AGO3: variants seen among roughly 807,000 people sequenced by gnomAD.
The protein encoded by AGO3 is argonaute RISC catalytic component 3.
AGO3 carries 16 observed loss-of-function variants against 105.5 expected under a neutral mutation model. The ratio of observed to expected loss-of-function variants is 0.15; its 90% CI spans 0.10 to 0.23. The LOEUF (loss-of-function observed/expected upper bound fraction) is 0.23. Among genes scored for constraint, AGO3 ranks in the 10% least tolerant of loss-of-function variants. AGO3 has a pLI of 1.00. For missense variants in AGO3, 534 were observed against 1,088.0 expected, an observed-to-expected ratio of 0.49 and a Z score of 7.16; for synonymous variants, 340 against 367.3, an observed-to-expected ratio of 0.93 and a Z score of 0.85.
rs1640454422 is a variant in AGO3 at position 36,008,866 on chromosome 1, G to A, written c.882-31G>A. On this transcript the variant is annotated intron_variant, in intron 7 of 18. Transcript: ENST00000373191. The surrounding 1 kb of genome is among the most constrained non-coding windows in gnomAD (Gnocchi z 5.1). ...AGTTTTTCTGGCTCATAATGGGCAA[G>A]AATTGTTCATGTGTACTTTTTTTTC... 6.2e-7 allele frequency: 1 copy of A among 1,614,038 alleles called. No homozygotes were observed. Among genetic ancestry groups the A allele is most frequent in the Non-Finnish European group, 8.5e-7 (1 of 1,180,018 alleles).
In AGO3 at chr1:36,045,522, T is replaced by G. The variant is rs534485104; in HGVS notation, c.2274+1974T>G. On this transcript the variant is annotated intron_variant, in intron 17 of 18. Transcript: ENST00000373191. ...CAGACATGAGCCACCATGTCCGACCTTTTTTTTTTTTGAGATGGAGTTTTG... is the reference window on the plus strand; with the variant it reads ...CAGACATGAGCCACCATGTCCGACCGTTTTTTTTTTTGAGATGGAGTTTTG... 1.8e-4 allele frequency among the ~76,000 whole-genome samples: 25 copies of G among 138,086 alleles called. 1 individual carries two copies. The South Asian group carries it at 2.9e-3, about 16-fold the overall frequency. 90.6% of individuals were successfully genotyped at this position (138,086 alleles called of 152,430 possible). A position where few individuals can be genotyped will look rare whatever the true frequency, so the allele number is the denominator to read the frequency against.
chr1:35,966,205 C>A (rs584873), intron 2 of AGO3, among the ~76,000 whole-genome samples: 7,798 of 152,180 alleles, frequency 0.051, 279 homozygotes, highest in Middle Eastern at 0.085. Flanking sequence ...ATTTTATAAA[C>A]AAAATAAAAG....
intron 2 of AGO3, among the ~76,000 whole-genome samples, chr1:35,948,565 C>T (rs2148752563): frequency 6.7e-6 from 1 of 149,152 alleles, no homozygotes; most frequent in Admixed American, 6.9e-5. Flanking sequence ...TATTCTTTCT[C>T]CTGCCTAACA....
At chr1:36,050,555 G>T (rs1261528446) in intron 17 of AGO3, among the ~76,000 whole-genome samples, 1 of 151,904 alleles carries the variant, frequency 6.6e-6, no homozygotes, top group Non-Finnish European at 1.5e-5. Flanking sequence ...ACTTTGGGAG[G>T]CTGAGGCAGG....
chr1:36,015,873 T>G (rs575431649), intron 11 of AGO3, among the ~76,000 whole-genome samples: 1 of 152,334 alleles, frequency 6.6e-6, no homozygotes, highest in Non-Finnish European at 1.5e-5. Context: ...AATAAAAACT[T>G]CAGACAAATT....
chr1:35,998,206 T>C (rs568357300), intron 5 of AGO3, among the ~76,000 whole-genome samples: 11 of 152,306 alleles, frequency 7.2e-5, no homozygotes, highest in African/African-American at 2.6e-4. Context: ...TTCTGTTTTA[T>C]TTATCTGAAT....
chr1:36,022,177 A>G (rs528125903), intron 11 of AGO3, among the ~76,000 whole-genome samples: 2 of 145,504 alleles, frequency 1.4e-5, no homozygotes, highest in Non-Finnish European at 3.0e-5. Context: ...TGATCCTCCT[A>G]TGTCAGCCTC....
At chr1:36,021,720 A>G (rs961857360) in intron 11 of AGO3, among the ~76,000 whole-genome samples, 2 of 152,224 alleles carry the variant, frequency 1.3e-5, no homozygotes, top group Non-Finnish European at 2.9e-5. Flanking sequence ...AAATAGGATC[A>G]CAGGTCACTG....
intron 2 of AGO3, among the ~76,000 whole-genome samples, chr1:35,954,990 A>G (rs1430696785): frequency 2.0e-5 from 3 of 152,246 alleles, no homozygotes; most frequent in African/African-American, 7.2e-5. Context: ...AGAATAATCC[A>G]CATAGACAGC....
intron 17 of AGO3, among the ~76,000 whole-genome samples, chr1:36,052,458 A>G (rs1028665996): frequency 1.1e-4 from 17 of 152,190 alleles, no homozygotes; most frequent in African/African-American, 4.1e-4. Flanking sequence ...ACAACTAGAT[A>G]GGAGGAATAA....
chr1:35,995,613 A>G (rs1239816404), intron 5 of AGO3, among the ~76,000 whole-genome samples: 1 of 152,212 alleles, frequency 6.6e-6, no homozygotes. Flanking sequence ...ATCCCAGGAT[A>G]AAACATTAAA....
chr1:36,039,501 A>G (rs1238898990), intron 14 of AGO3, among the ~76,000 whole-genome samples: 1 of 148,130 alleles, frequency 6.8e-6, no homozygotes, highest in Non-Finnish European at 1.5e-5. Context: ...TCAAAAAAAA[A>G]AAAAAAAAAA....
chr1:35,932,363 G>C (rs1339794671), intron 1 of AGO3, among the ~76,000 whole-genome samples: 1 of 152,158 alleles, frequency 6.6e-6, no homozygotes, highest in Admixed American at 6.5e-5. Flanking sequence ...ATATTTGCGG[G>C]GCTGTCTTGT....
chr1:35,955,679 C>T (rs1449600443), intron 2 of AGO3, among the ~76,000 whole-genome samples: 1 of 151,782 alleles, frequency 6.6e-6, no homozygotes, highest in East Asian at 1.9e-4. Context: ...ACTGCAGCCT[C>T]ACCCTCCTGG....
intron 12 of AGO3, among the ~76,000 whole-genome samples, chr1:36,029,356 G>T (rs1244622128): frequency 6.7e-6 from 1 of 150,304 alleles, no homozygotes; most frequent in Middle Eastern, 3.2e-3. Flanking sequence ...AGATTTGACT[G>T]AGTACTGAGT....
rs1386453887 is a variant in AGO3 at position 36,056,476 on chromosome 1, A to G, written c.*731A>G. The G allele has an allele frequency of 6.6e-6, 1 of 151,898 alleles. No individual in the cohort carries two copies. The highest frequency in any genetic ancestry group is 1.5e-5 in the Non-Finnish European group (1 of 67,978). The allele number at this position is 151,898 out of a possible 1,614,324, so 9.4% of individuals were successfully genotyped here. ...TATGGCAAACTAGAATTCTACTTTT[A>G]TTTTGCATACCCTACTCCTGACTCC... On this transcript the variant is annotated 3_prime_UTR_variant, in exon 19 of 19. Transcript: ENST00000373191.
At chr1:36,034,738 T>G (rs1308376613) in intron 13 of AGO3, among the ~76,000 whole-genome samples, 1 of 152,214 alleles carries the variant, frequency 6.6e-6, no homozygotes, top group Non-Finnish European at 1.5e-5. Context: ...AATTTTCACT[T>G]TATTTGGTAA....
intron 5 of AGO3, chr1:35,983,344 G>A (rs1278785251): frequency 4.0e-5 from 6 of 150,970 alleles, no homozygotes; most frequent in Non-Finnish European, 8.8e-5. Context: ...GGCCAAAGTG[G>A]GAGGATCACT....
chr1:35,945,632 A>G, intron 1 of AGO3, 60 bp from the exon 2 acceptor site: 4 of 1,545,244 alleles, frequency 2.6e-6, no homozygotes, highest in Non-Finnish European at 3.5e-6. Context: ...ACTCTGGTTG[A>G]CAAGGCTTTG....
Sources: gnomAD v4.1 joint callset for allele counts (sites outside exome capture counted in the v4.1 genomes callset) on GRCh38, gnomAD v4.1.1 for gene constraint, Gnocchi (gnomAD v3.1) non-coding constraint, MANE v1.5 for transcripts, NCBI Gene and HGNC (gene_info 2026-07-23, HGNC 2026-07-21) for gene names.